The following SLC4A8 variants were observed in gnomAD, a reference collection of about 807,000 sequenced individuals.
The protein encoded by SLC4A8 is electroneutral sodium bicarbonate exchanger 1.
SLC4A8 carries 40 observed loss-of-function variants against 125.0 expected under a neutral mutation model. The ratio of observed to expected loss-of-function variants is 0.32; its 90% CI spans 0.25 to 0.42. The LOEUF (loss-of-function observed/expected upper bound fraction) is 0.42. Ranked by LOEUF, SLC4A8 falls within the 10% of genes least tolerant of loss-of-function variation. The pLI, the probability that SLC4A8 is intolerant of heterozygous loss-of-function variation, is 1.00. For missense variants in SLC4A8, 863 were observed against 1,355.1 expected (o/e 0.64, Z 5.70); for synonymous variants, 456 against 476.0 (o/e 0.96, Z 0.55).
chr12:51,394,137 G>T (rs531351204), intron 1 of SLC4A8, among the ~76,000 whole-genome samples: 129 of 152,282 alleles, frequency 8.5e-4, no homozygotes, highest in Admixed American at 4.3e-3. Flanking sequence ...GAGGTGAATG[G>T]CCCCTATTCC....
At position 51,426,189 on chromosome 12, in the gene SLC4A8, T is replaced by C. The variant is rs532966253; in HGVS notation, c.48+1154T>C. On this transcript the variant is annotated intron_variant, in intron 1 of 24. Coordinates refer to ENST00000453097, the MANE Select transcript of SLC4A8 (RefSeq NM_001039960.3). ...AAATGAGTATCAGACACTGACTCTC[T>C]CCTCTTCTTCCTGGTTAATAGTTTG... Among the ~76,000 whole-genome samples, 4 of 152,342 alleles carry C rather than the reference T, an allele frequency of 2.6e-5. No homozygotes were observed. In the East Asian group the frequency reaches 7.7e-4, roughly 29 times the overall value.
At chr12:51,490,495 G>A (rs934722997) in intron 19 of SLC4A8, among the ~76,000 whole-genome samples, 20 of 150,812 alleles carry the variant, frequency 1.3e-4, no homozygotes, top group African/African-American at 3.9e-4. Context: ...CCCAGGAGGC[G>A]GAGCTTGCAG....
intron 20 of SLC4A8, among the ~76,000 whole-genome samples, chr12:51,494,107 C>A (rs1039307146): frequency 6.6e-6 from 1 of 152,144 alleles, no homozygotes; most frequent in Admixed American, 6.5e-5. Context: ...GATCAAGAAC[C>A]AAACTGGCTT....
intron 1 of SLC4A8, among the ~76,000 whole-genome samples, chr12:51,399,318 G>A (rs1948325855): frequency 6.6e-6 from 1 of 152,168 alleles, no homozygotes. Flanking sequence ...ATAGTGAAGA[G>A]GGAGTCTCCC....
intron 1 of SLC4A8, among the ~76,000 whole-genome samples, chr12:51,400,038 A>G (rs1170640005): frequency 1.3e-5 from 2 of 151,752 alleles, no homozygotes; most frequent in Non-Finnish European, 1.5e-5. Context: ...CAGAGGTACG[A>G]AGTGGTCCCT....
At chr12:51,489,234 A>G (rs1172754373) in intron 18 of SLC4A8, among the ~76,000 whole-genome samples, 1 of 152,170 alleles carries the variant, frequency 6.6e-6, no homozygotes, top group Non-Finnish European at 1.5e-5. Context: ...GTCTGTTACT[A>G]TAGTTTCTAG....
In SLC4A8 at chr12:51,474,440, C is replaced by T; in HGVS notation, c.2003C>T (p.Thr668Ile). ...VTAEVHWANL[T>I]VSECQEMHGE... The stretch of plus-strand genomic sequence containing the variant: ...GCAGAAGTCCACTGGGCTAACCTGA[C>T]TGTCAGTGTAAGTCTGGGAGCTGCC... The change falls in exon 15 of 25, where the codon ACT becomes ATT. Residue 668 changes from threonine (T) to isoleucine (I), a missense_variant. By Grantham distance (89) the Thr-to-Ile change is moderately conservative. Around this residue, in one of 6 missense-constraint regions of SLC4A8, gnomAD observed 76 missense variants for 80.2 expected, o/e 0.95. Coordinates refer to ENST00000453097, the MANE Select transcript of SLC4A8 (RefSeq NM_001039960.3). 2 of 1,613,416 alleles carry T rather than the reference C, an allele frequency of 1.2e-6. No homozygotes were observed. The highest frequency in any genetic ancestry group is 1.7e-6 in the Non-Finnish European group (2 of 1,179,480).
exon 1 of SLC4A8, chr12:51,391,459 A>C (rs1205588255): frequency 6.4e-6 from 1 of 156,418 alleles, no homozygotes; most frequent in Non-Finnish European, 1.4e-5. Context: ...GAGGAGGAAG[A>C]GGAAGAGGCG....
chr12:51,428,610 T>C lies in SLC4A8; in HGVS notation c.48+3575T>C, dbSNP rs184980558. ...ACCTTCAAGGTCTGGCTCCATATCATTCTATTATATTCGTCACTCACTCTC... is the reference window on the plus strand; with the variant it reads ...ACCTTCAAGGTCTGGCTCCATATCACTCTATTATATTCGTCACTCACTCTC... On this transcript the variant is annotated intron_variant, in intron 1 of 24. Transcript: ENST00000453097. 6.6e-5 allele frequency among the ~76,000 whole-genome samples: 10 copies of C among 152,334 alleles called. No individual in the cohort carries two copies. The East Asian group carries it at 1.9e-3, about 29-fold the overall frequency.
rs1156371649 is a variant in SLC4A8 at position 51,507,671 on chromosome 12, C to T, written c.*233C>T. 3 of 391,654 alleles carry T rather than the reference C, an allele frequency of 7.7e-6. No individual in the cohort carries two copies. The highest frequency in any genetic ancestry group is 2.1e-5 in the African/African-American group (1 of 48,570). The allele number at this position is 391,654 out of a possible 1,614,324, so 24.3% of individuals were successfully genotyped here. A position where few individuals can be genotyped will look rare whatever the true frequency, so the allele number is the denominator to read the frequency against. ...TGTGAATGTGGAAGCAGAAGACCAC[C>T]TCCTGTTGGTTCTTCTCCTCTTCCT... On this transcript the variant is annotated 3_prime_UTR_variant, in exon 25 of 25. Transcript: ENST00000453097.
rs768628733 is a variant in SLC4A8 at position 51,469,684 on chromosome 12, C to G, written c.1420C>G (p.Leu474Val). The change falls in exon 12 of 25, where the codon CTC becomes GTC. Residue 474 changes from leucine (L) to valine (V), a missense_variant. Physicochemically the swap from Leu to Val is conservative, Grantham distance 32. Transcript: ENST00000453097. ...GTACTGGAGCGACTACCGAGATGCACTCAGCTTACAGTGTTTGGCTTCCTT... is the reference window on the plus strand; with the variant it reads ...GTACTGGAGCGACTACCGAGATGCAGTCAGCTTACAGTGTTTGGCTTCCTT... ...PWYWSDYRDA[L>V]SLQCLASFLF... The G allele has an allele frequency of 6.2e-7, 1 of 1,614,086 alleles. No homozygotes were observed. The highest frequency in any genetic ancestry group is 8.5e-7 in the Non-Finnish European group (1 of 1,180,000).
rs1363793278 is a variant in SLC4A8, at chr12:51,453,698, A to G, written c.573A>G (p.Ser191=). The change falls in exon 5 of 25, where the codon TCA becomes TCG. Residue 191 remains serine, a splice_region_variant and synonymous_variant. Transcript: ENST00000453097. ...DMHANSIEEI[S]DLILDQQELS... ...ATGCAAATAGCATAGAAGAAATTTC[A>G]GGTAAGGTTGGGGAAGGGAAAACAG... 6.2e-7 allele frequency: 1 copy of G among 1,612,010 alleles called. No homozygotes were observed. Among genetic ancestry groups the G allele is most frequent in the Non-Finnish European group, 8.5e-7 (1 of 1,178,650 alleles).
chr12:51,491,740 G>GACACACACAC (rs35694156), intron 19 of SLC4A8, among the ~76,000 whole-genome samples: 3,480 of 145,920 alleles, frequency 0.024, 137 homozygotes, highest in African/African-American at 0.083. Context: ...GGGATGGGCA[G>GACACACACAC]ACACACACAC....
At chr12:51,457,182 C>G (rs1950174794) in intron 5 of SLC4A8, among the ~76,000 whole-genome samples, 169 bp from the exon 6 acceptor site, 1 of 152,160 alleles carries the variant, frequency 6.6e-6, no homozygotes, top group Non-Finnish European at 1.5e-5. Flanking sequence ...TTTTCACAGT[C>G]ACTATCATCA....
chr12:51,435,984 C>G (rs1466564530), intron 1 of SLC4A8, among the ~76,000 whole-genome samples: 1 of 152,050 alleles, frequency 6.6e-6, no homozygotes, highest in African/African-American at 2.4e-5. Context: ...ATCATTTTTT[C>G]TAAGCCTTTG....
chr12:51,502,137 C>T (rs1937918341), intron 22 of SLC4A8: 1 of 152,166 alleles, frequency 6.6e-6, no homozygotes. Flanking sequence ...CAAAACATTG[C>T]TGAAAGAAAT....
chr12:51,401,968 A>G (rs922151160), intron 1 of SLC4A8, among the ~76,000 whole-genome samples: 1 of 151,578 alleles, frequency 6.6e-6, no homozygotes, highest in Admixed American at 6.6e-5. Context: ...GGATCTCCCT[A>G]TGTTGCCCAG....
rs1938504760 is a variant in SLC4A8 at position 51,515,609 on chromosome 12, A to G, written c.*8171A>G. On this transcript the variant is annotated 3_prime_UTR_variant, in exon 25 of 25. Transcript: ENST00000453097. ...TGATAATCCCATAGCAATTTATGGT[A>G]AGAACAAGACCCCTTTCCCTCACCA... 1 of 152,216 alleles carries G rather than the reference A, an allele frequency of 6.6e-6. No homozygotes were observed. Among genetic ancestry groups the G allele is most frequent in the African/African-American group, 2.4e-5 (1 of 41,454 alleles). 9.4% of individuals were successfully genotyped at this position (152,216 alleles called of 1,614,324 possible).
In SLC4A8 at chr12:51,484,557, C is replaced by T. The variant is rs547529672; in HGVS notation, c.2173-1230C>T. ...TATATTGCATTCAGAGAAGAACTAACAAAACCATGGAGGAGGAACTGGAAA... is the reference window on the plus strand; with the variant it reads ...TATATTGCATTCAGAGAAGAACTAATAAAACCATGGAGGAGGAACTGGAAA... On this transcript the variant is annotated intron_variant, in intron 16 of 24. Coordinates refer to ENST00000453097, the MANE Select transcript of SLC4A8 (RefSeq NM_001039960.3). Among the ~76,000 whole-genome samples, 264 of 152,252 alleles carry T rather than the reference C, an allele frequency of 1.7e-3. 1 individual carries two copies. Among genetic ancestry groups the T allele is most frequent in the African/African-American group, 6.0e-3 (250 of 41,552 alleles).
Sources: gnomAD v4.1 joint callset for allele counts (sites outside exome capture counted in the v4.1 genomes callset) on GRCh38, gnomAD v4.1.1 for gene constraint, gnomAD v4.1.1 regional missense constraint, MANE v1.5 for transcripts, NCBI Gene and HGNC (gene_info 2026-07-23, HGNC 2026-07-21) for gene names.